The following TBC1D9B variants were observed in gnomAD, a reference collection of about 807,000 sequenced individuals.
TBC1D9B encodes TBC1 domain family, member 9B (with GRAM domain).
Under a neutral mutation model 121.1 loss-of-function variants are expected in TBC1D9B, and 87 were observed. That is an observed-to-expected ratio of 0.72 (90% CI 0.60 to 0.86). The LOEUF is 0.86. Ranked by LOEUF, TBC1D9B falls within the 40% of genes least tolerant of loss-of-function variation. TBC1D9B has a pLI of 0.00. For missense variants in TBC1D9B, 1,540 were observed against 1,628.6 expected (o/e 0.95, Z 0.94); for synonymous variants, 668 against 670.1 (o/e 1.00, Z 0.05).
rs199516980 is a variant in TBC1D9B, at chr5:179,878,303, C to A, written c.1782+6G>T. On this transcript the variant is annotated splice_donor_region_variant and intron_variant, in intron 10 of 20. Coordinates refer to ENST00000355235, the MANE Select transcript of TBC1D9B (RefSeq NM_015043.4). ...GCTGTCTCTGGGCCCCTGTCAGGCC[C>A]CTTACCTGGCAGTAGCCGATGGTGG... 7 of 1,609,374 alleles carry A rather than the reference C, an allele frequency of 4.3e-6. No homozygotes were observed. In the East Asian group the frequency reaches 1.6e-4, roughly 36 times the overall value.
chr5:179,863,026 C>G lies in TBC1D9B; in HGVS notation c.*422G>C. 1 of 256,736 alleles carries G rather than the reference C, an allele frequency of 3.9e-6. No individual in the cohort carries two copies. Among genetic ancestry groups the G allele is most frequent in the Non-Finnish European group, 7.8e-6 (1 of 127,478 alleles). The allele number at this position is 256,736 out of a possible 1,614,324, so 15.9% of individuals were successfully genotyped here. On this transcript the variant is annotated 3_prime_UTR_variant, in exon 21 of 21. Transcript: ENST00000355235. The surrounding 1 kb of genome is among the most constrained non-coding windows in gnomAD (Gnocchi z 4.5). ...AAGCACATGCCCCCCAACCTGGTGC[C>G]AAGAGGCAGGAATGACCCCCATACC... is the stretch of plus-strand genomic sequence containing the variant.
At chr5:179,880,905 A>G (rs1392526305) in intron 7 of TBC1D9B, among the ~76,000 whole-genome samples, 1 of 152,114 alleles carries the variant, frequency 6.6e-6, no homozygotes, top group African/African-American at 2.4e-5. Flanking sequence ...CTGCCTGGAG[A>G]TCCTGCTTCC....
intron 7 of TBC1D9B, among the ~76,000 whole-genome samples, chr5:179,882,933 C>T (rs1396024487): frequency 6.6e-6 from 1 of 152,182 alleles, no homozygotes; most frequent in African/African-American, 2.4e-5. Context: ...CCCATTGCAA[C>T]CTCCTTCTCC....
Position 179,888,142 on chromosome 5 carries a change from G to A in TBC1D9B, c.1215C>T (p.Ile405=), listed in dbSNP as rs2288398. The change falls in exon 7 of 21, where the codon ATC becomes ATT. Residue 405 remains isoleucine (I), a synonymous_variant. Coordinates refer to ENST00000355235, the MANE Select transcript of TBC1D9B (RefSeq NM_015043.4). ...QKTPSKQPGS[I]GSRKASVVDP... ...CCACAACACTGGCTTTCCTGCTCCCGATACTGCCTGGCTGCTTGGATGGTG... is the reference window on the plus strand; with the variant it reads ...CCACAACACTGGCTTTCCTGCTCCCAATACTGCCTGGCTGCTTGGATGGTG... 2.4e-4 allele frequency: 381 copies of A among 1,613,834 alleles called. 1 individual carries two copies. In the East Asian group the frequency reaches 7.8e-3, roughly 33 times the overall value.
At chr5:179,873,603 G>T (rs1054263904) in intron 12 of TBC1D9B, among the ~76,000 whole-genome samples, 1 of 152,204 alleles carries the variant, frequency 6.6e-6, no homozygotes, top group East Asian at 1.9e-4. Flanking sequence ...TGGGGATGTG[G>T]GACCTTCTCG....
At chr5:179,869,579 G>T in intron 17 of TBC1D9B, 190 bp downstream of exon 17, 1 of 713,038 alleles carries the variant, frequency 1.4e-6, no homozygotes, top group Non-Finnish European at 2.5e-6. Flanking sequence ...CCCTTCCCAG[G>T]CCAAGGCCCT....
At chr5:179,888,339 G>C (rs1446232656) in intron 6 of TBC1D9B, 27 bp from the exon 7 acceptor site, 1 of 1,609,610 alleles carries the variant, frequency 6.2e-7, no homozygotes, top group Non-Finnish European at 8.5e-7. Flanking sequence ...ACTCTTTTGG[G>C]TGTCTGCATC....
At position 179,863,319 on chromosome 5, in the gene TBC1D9B, C is replaced by T; in HGVS notation, c.*129G>A. The T allele has an allele frequency of 1.8e-6, 2 of 1,118,572 alleles. No individual in the cohort carries two copies. Among genetic ancestry groups the T allele is most frequent in the Non-Finnish European group, 2.5e-6 (2 of 795,622 alleles). The allele number at this position is 1,118,572 out of a possible 1,614,324, so 69.3% of individuals were successfully genotyped here. On this transcript the variant is annotated 3_prime_UTR_variant, in exon 21 of 21. Transcript: ENST00000355235. This position sits in a 1 kb window ranked among gnomAD's most constrained non-coding sequence, Gnocchi z 4.5. Reference sequence around the variant, plus strand: ...TCTGCACCAGCCTTCTTTCCACTCACAACTCACTGCTCCTGGGAGAGCAGG... The same window carrying T: ...TCTGCACCAGCCTTCTTTCCACTCATAACTCACTGCTCCTGGGAGAGCAGG...
chr5:179,882,321 A>T (rs1297104723), intron 7 of TBC1D9B, among the ~76,000 whole-genome samples: 1 of 152,032 alleles, frequency 6.6e-6, no homozygotes, highest in Non-Finnish European at 1.5e-5. Flanking sequence ...ATATACTGTC[A>T]CCTCTATTCC....
rs1760352404 is a variant in TBC1D9B at position 179,876,050 on chromosome 5, G to C, written c.1783-13C>G. On this transcript the variant is annotated splice_polypyrimidine_tract_variant and intron_variant, in intron 10 of 20. Transcript: ENST00000355235. The stretch of plus-strand genomic sequence containing the variant: ...CGATGTTCATTGCCTGCCGGGCACA[G>C]AGACAGCCGGGGAAGGCTTGCACTG... 6.2e-7 allele frequency: 1 copy of C among 1,609,750 alleles called. No individual in the cohort carries two copies. The highest frequency in any genetic ancestry group is 1.1e-5 in the South Asian group (1 of 90,422).
chr5:179,881,473 C>T (rs1417822427), intron 7 of TBC1D9B, among the ~76,000 whole-genome samples: 1 of 152,214 alleles, frequency 6.6e-6, no homozygotes, highest in Admixed American at 6.5e-5. Flanking sequence ...TGCACTGTTA[C>T]TCCTCTAAAG....
chr5:179,883,039 A>T (rs1760584589), intron 7 of TBC1D9B, among the ~76,000 whole-genome samples: 1 of 152,142 alleles, frequency 6.6e-6, no homozygotes, highest in Admixed American at 6.5e-5. Flanking sequence ...TTGTATTTTT[A>T]GTAGAGACAG....
rs1561636779 is a variant in TBC1D9B, at chr5:179,875,007, T to A, written c.2081A>T (p.Glu694Val). ...AVVIVDCFFY[E>V]GIKVILQVAL... is the part of the protein sequence containing the mutation. ...CACCTGCAGGATCACCTTGATGCCC[T>A]CATAGAAAAAGCAGTCGACGATGAC... The change falls in exon 12 of 21, where the codon GAG becomes GTG. Residue 694 changes from glutamate to valine, a missense_variant. Coordinates refer to ENST00000355235, the MANE Select transcript of TBC1D9B (RefSeq NM_015043.4). The surrounding 1 kb of genome is among the most constrained non-coding windows in gnomAD (Gnocchi z 4.5). 6.2e-7 allele frequency: 1 copy of A among 1,613,956 alleles called. No individual in the cohort carries two copies. The highest frequency in any genetic ancestry group is 8.5e-7 in the Non-Finnish European group (1 of 1,180,044).
Position 179,907,601 on chromosome 5 carries a change from C to T in TBC1D9B, c.118+103G>A. 5.1e-6 allele frequency: 3 copies of T among 583,526 alleles called. No individual in the cohort carries two copies. The highest frequency in any genetic ancestry group is 7.1e-5 in the South Asian group (1 of 14,072). 36.1% of individuals were successfully genotyped at this position (583,526 alleles called of 1,614,324 possible). A position where few individuals can be genotyped will look rare whatever the true frequency, so the allele number is the denominator to read the frequency against. On this transcript the variant is annotated intron_variant, in intron 1 of 20. Transcript: ENST00000355235. The surrounding 1 kb of genome is among the most constrained non-coding windows in gnomAD (Gnocchi z 5.3). ...GCTGGCGTGCGTGTCCGCCGCGACGCGCCGAGGCCGGGCCGGAACCGGACC... is the reference window on the plus strand; with the variant it reads ...GCTGGCGTGCGTGTCCGCCGCGACGTGCCGAGGCCGGGCCGGAACCGGACC...
In TBC1D9B at chr5:179,862,854, A is replaced by G. The variant is rs1759884701; in HGVS notation, c.*594T>C. On this transcript the variant is annotated 3_prime_UTR_variant, in exon 21 of 21. Transcript: ENST00000355235. ...AGGGATGTTTTTTTAAAGTTACTGGAAAGGATGATGAGCTGAGAGCACGTG... is the reference window on the plus strand; with the variant it reads ...AGGGATGTTTTTTTAAAGTTACTGGGAAGGATGATGAGCTGAGAGCACGTG... 1 of 331,756 alleles carries G rather than the reference A, an allele frequency of 3.0e-6. No homozygotes were observed. Among genetic ancestry groups the G allele is most frequent in the Admixed American group, 3.8e-5 (1 of 26,476 alleles). 20.6% of individuals were successfully genotyped at this position (331,756 alleles called of 1,614,324 possible).
chr5:179,900,565 A>G (rs1265608330), intron 2 of TBC1D9B, among the ~76,000 whole-genome samples: 1 of 152,162 alleles, frequency 6.6e-6, no homozygotes, highest in Non-Finnish European at 1.5e-5. Context: ...GAGTTAGCGA[A>G]TCCTGAACCA....
At chr5:179,895,570 AG>A (rs766803983) in intron 3 of TBC1D9B, among the ~76,000 whole-genome samples, 3 of 152,210 alleles carry the variant, frequency 2.0e-5, no homozygotes, top group Non-Finnish European at 2.9e-5. Context: ...TACAGGGCTC[AG>A]GGTGCCCAGA....
In TBC1D9B at chr5:179,891,685, T is replaced by C; in HGVS notation, c.837-99A>G. The C allele has an allele frequency of 7.3e-7, 1 of 1,370,826 alleles. No homozygotes were observed. Among genetic ancestry groups the C allele is most frequent in the South Asian group, 1.3e-5 (1 of 79,466 alleles). 84.9% of individuals were successfully genotyped at this position (1,370,826 alleles called of 1,614,324 possible). A position where few individuals can be genotyped will look rare whatever the true frequency, so the allele number is the denominator to read the frequency against. ...GGGCCTCCCCAGGCCTGTTTCCACA[T>C]CAGATTCAGGATCCCTGGGGTGGTC... On this transcript the variant is annotated intron_variant, in intron 5 of 20. Coordinates refer to ENST00000355235, the MANE Select transcript of TBC1D9B (RefSeq NM_015043.4). This position sits in a 1 kb window ranked among gnomAD's most constrained non-coding sequence, Gnocchi z 4.3.
chr5:179,900,569 T>C (rs1761138523), intron 2 of TBC1D9B, among the ~76,000 whole-genome samples: 1 of 152,222 alleles, frequency 6.6e-6, no homozygotes. Flanking sequence ...TAGCGAATCC[T>C]GAACCAGTAC....
Sources: allele counts gnomAD v4.1 joint callset (sites outside exome capture counted in the v4.1 genomes callset), GRCh38; gene constraint gnomAD v4.1.1; non-coding constraint Gnocchi (gnomAD v3.1); transcripts MANE v1.5; gene names NCBI Gene and HGNC (gene_info 2026-07-23, HGNC 2026-07-21).